Variants in ATG7 observed in about 807,000 individuals in gnomAD.
ATG7 encodes autophagy related 7, also known as ubiquitin-like modifier-activating enzyme ATG7.
ATG7 carries 70 observed loss-of-function variants against 82.4 expected under a neutral mutation model. The observed-to-expected ratio is 0.85, with a 90% CI of 0.70 to 1.04. The LOEUF is 1.04. ATG7 is among the 50% of genes least tolerant of loss of function. The pLI is 0.00. For synonymous variants in ATG7, 287 were observed against 313.0 expected (o/e 0.92, Z 0.88); for missense variants, 792 against 864.3 (o/e 0.92, Z 1.05).
chr3:11,538,314 A>G (rs2070500081), intron 20 of ATG7, among the ~76,000 whole-genome samples: 1 of 152,194 alleles, frequency 6.6e-6, no homozygotes, highest in Non-Finnish European at 1.5e-5. Context: ...TGGACCTTCA[A>G]GGGATAGCTC....
chr3:11,380,111 C>G (rs539680517), intron 19 of ATG7, 59 bp downstream of exon 19: 2 of 1,523,558 alleles, frequency 1.3e-6, no homozygotes, highest in South Asian at 2.2e-5. Context: ...AGCATTTGAC[C>G]GCAGCCTCAC....
At chr3:11,537,849 G>A (rs1216172283) in intron 20 of ATG7, among the ~76,000 whole-genome samples, 1 of 152,194 alleles carries the variant, frequency 6.6e-6, no homozygotes, top group East Asian at 1.9e-4. Flanking sequence ...CCTGAGAAAC[G>A]AGCTAGCCCA....
the ATG7 span, chr3:11,564,684 C>A: frequency 1.5e-6 from 2 of 1,319,798 alleles, no homozygotes; most frequent in Admixed American, 2.2e-5. Flanking sequence ...CTCCCTCCCT[C>A]ACCACCTCCC....
At chr3:11,370,240 G>A (rs1487263453) in intron 18 of ATG7, among the ~76,000 whole-genome samples, 1 of 151,174 alleles carries the variant, frequency 6.6e-6, no homozygotes, top group Non-Finnish European at 1.5e-5. Flanking sequence ...AATGAGTAGA[G>A]AGGGAGTGGT....
At chr3:11,478,986 T>G (rs1383780974) in intron 20 of ATG7, among the ~76,000 whole-genome samples, 1 of 78,144 alleles carries the variant, frequency 1.3e-5, no homozygotes, top group Non-Finnish European at 3.2e-5. Context: ...CCTGTATATT[T>G]ACAACACACA....
At chr3:11,313,613 A>G (rs1179252703) in intron 8 of ATG7, among the ~76,000 whole-genome samples, 193 bp downstream of exon 8, 1 of 152,182 alleles carries the variant, frequency 6.6e-6, no homozygotes. Flanking sequence ...ATATTTATAT[A>G]TGTTTTGAGA....
rs550457631 is a variant in ATG7 at position 11,533,714 on chromosome 3, G to C, written c.2080-21097G>C. On this transcript the variant is annotated intron_variant, in intron 20 of 20. Transcript: ENST00000693202. ...GATGTTATTTTTTGAAGCCACAGTT[G>C]TTATTTCTTTTCTGTTAGCCAAAAT... Among the ~76,000 whole-genome samples the C allele has an allele frequency of 6.6e-5, 10 of 152,184 alleles. No homozygotes were observed. The South Asian group carries it at 2.1e-3, about 32-fold the overall frequency.
chr3:11,493,085 C>G (rs2090521840), intron 20 of ATG7, among the ~76,000 whole-genome samples: 1 of 152,082 alleles, frequency 6.6e-6, no homozygotes, highest in African/African-American at 2.4e-5. Flanking sequence ...TTGTCCAATG[C>G]CAAAAAAGAA....
intron 20 of ATG7, among the ~76,000 whole-genome samples, chr3:11,450,784 C>G (rs1436616544): frequency 6.6e-6 from 1 of 152,210 alleles, no homozygotes; most frequent in Non-Finnish European, 1.5e-5. Context: ...TAGGTTCTAG[C>G]TTTCTTAGTT....
chr3:11,360,476 A>G (rs2076216614), intron 15 of ATG7, 105 bp from the exon 16 acceptor site: 1 of 1,150,594 alleles, frequency 8.7e-7, no homozygotes, highest in African/African-American at 1.5e-5. Context: ...AATTACACTT[A>G]CATGCAAAAA....
chr3:11,564,407 C>CG, the ATG7 span, among the ~76,000 whole-genome samples: 2 of 147,718 alleles, frequency 1.4e-5, no homozygotes, highest in African/African-American at 5.3e-5. Context: ...AACGTAGGAC[C>CG]CCCCCACCCG....
chr3:11,381,715 A>G (rs1212558864), intron 19 of ATG7, among the ~76,000 whole-genome samples: 1 of 152,224 alleles, frequency 6.6e-6, no homozygotes, highest in Admixed American at 6.5e-5. Flanking sequence ...ACGATTTAAT[A>G]CAAACTGACT....
At chr3:11,510,535 C>G (rs891110711) in intron 20 of ATG7, among the ~76,000 whole-genome samples, 10 of 151,646 alleles carry the variant, frequency 6.6e-5, no homozygotes, top group African/African-American at 1.7e-4. Context: ...CTCAACCCCC[C>G]ATCTCCAAAG....
Position 11,556,072 on chromosome 3 carries a change from T to A in ATG7, c.*1229T>A, listed in dbSNP as rs2072373579. 1 of 152,700 alleles carries A rather than the reference T, an allele frequency of 6.5e-6. No individual in the cohort carries two copies. Among genetic ancestry groups the A allele is most frequent in the Non-Finnish European group, 1.5e-5 (1 of 68,024 alleles). The allele number at this position is 152,700 out of a possible 1,614,324, so 9.5% of individuals were successfully genotyped here. ...GAAACTGCACACGTACACTATGTGG[T>A]TTAAGAGCACTTTATTATTGTTCTT... On this transcript the variant is annotated 3_prime_UTR_variant, in exon 21 of 21. Transcript: ENST00000693202.
chr3:11,493,303 G>A (rs545167286), intron 20 of ATG7, among the ~76,000 whole-genome samples: 4 of 152,144 alleles, frequency 2.6e-5, no homozygotes, highest in East Asian at 1.9e-4. Context: ...AAGGCAAGTC[G>A]CCTCTCCCCA....
Position 11,360,080 on chromosome 3 carries a change from C to CT in ATG7, c.1480-500dup, listed in dbSNP as rs528325367. Among the ~76,000 whole-genome samples, 3 of 152,338 alleles carry CT rather than the reference C, an allele frequency of 2.0e-5. No homozygotes were observed. In the East Asian group the frequency reaches 5.8e-4, roughly 29 times the overall value. On this transcript the variant is annotated intron_variant, in intron 15 of 20. Coordinates refer to ENST00000693202, the MANE Select transcript of ATG7 (RefSeq NM_001349232.2). ...TCTTTTTCAGAGATAGAATCTTGCTCTGTCACCCAGGCTGGAGTGCAGTGG... is the reference window on the plus strand; with the variant it reads ...TCTTTTTCAGAGATAGAATCTTGCTCTTGTCACCCAGGCTGGAGTGCAGTGG...
intron 20 of ATG7, among the ~76,000 whole-genome samples, chr3:11,543,847 G>A (rs568205598): frequency 2.6e-5 from 4 of 152,216 alleles, no homozygotes; most frequent in African/African-American, 9.6e-5. Context: ...GGGACGGGAG[G>A]GGGAGGACCC....
chr3:11,403,335 CTT>C (rs59538035), intron 19 of ATG7, among the ~76,000 whole-genome samples: 1 of 144,844 alleles, frequency 6.9e-6, no homozygotes, highest in Non-Finnish European at 1.5e-5. Context: ...CAAGGGTTTT[CTT>C]TTTTTTTTTT....
At chr3:11,517,627 A>G (rs1214547368) in intron 20 of ATG7, among the ~76,000 whole-genome samples, 1 of 152,184 alleles carries the variant, frequency 6.6e-6, no homozygotes, top group Non-Finnish European at 1.5e-5. Context: ...AGGCTTCACT[A>G]GAGGTTTTCG....
Sources: allele counts gnomAD v4.1 joint callset (sites outside exome capture counted in the v4.1 genomes callset), GRCh38; gene constraint gnomAD v4.1.1; transcripts MANE v1.5; gene names NCBI Gene and HGNC (gene_info 2026-07-23, HGNC 2026-07-21).